The following TAOK1 variants were observed in gnomAD, a reference collection of about 807,000 sequenced individuals.
TAOK1 encodes TAO kinase 1, also known as serine/threonine-protein kinase TAO1.
A neutral mutation model predicts 138.3 loss-of-function variants in TAOK1; 21 were observed. That is an observed-to-expected ratio of 0.15 (90% confidence interval 0.11 to 0.22). The LOEUF is 0.22. Ranked by LOEUF, TAOK1 falls within the 10% of genes least tolerant of loss-of-function variation. The pLI, the probability that TAOK1 is intolerant of heterozygous loss-of-function variation, is 1.00. For missense variants in TAOK1, 651 were observed against 1,227.7 expected, an observed-to-expected ratio of 0.53 and a Z score of 7.02; for synonymous variants, 361 against 398.4, an observed-to-expected ratio of 0.91 and a Z score of 1.12.
intron 1 of TAOK1, among the ~76,000 whole-genome samples, chr17:29,448,527 T>A (rs1318297638): frequency 6.6e-6 from 1 of 152,224 alleles, no homozygotes; most frequent in Non-Finnish European, 1.5e-5. Context: ...TGTCTTTTTG[T>A]TTTAGTATTT....
At chr17:29,455,946 T>C (rs1363267910) in intron 2 of TAOK1, among the ~76,000 whole-genome samples, 1 of 150,356 alleles carries the variant, frequency 6.7e-6, no homozygotes, top group Admixed American at 6.6e-5. Context: ...TGTCTTTATC[T>C]AGTGTTGGCA....
At chr17:29,529,948 G>GC (rs1367735970) in intron 17 of TAOK1, among the ~76,000 whole-genome samples, 1 of 151,450 alleles carries the variant, frequency 6.6e-6, no homozygotes, top group Non-Finnish European at 1.5e-5. Flanking sequence ...GATTGCTTGA[G>GC]CATAGGAGGT....
intron 3 of TAOK1, among the ~76,000 whole-genome samples, chr17:29,469,218 C>A (rs2030754954): frequency 6.6e-6 from 1 of 150,692 alleles, no homozygotes; most frequent in African/African-American, 2.4e-5. Context: ...TCCCCCCTCC[C>A]CCGCCCCATC....
intron 1 of TAOK1, among the ~76,000 whole-genome samples, chr17:29,421,803 A>C (rs1218804206): frequency 2.6e-5 from 4 of 152,080 alleles, no homozygotes; most frequent in Admixed American, 1.3e-4. Flanking sequence ...GGGTTTTGGC[A>C]TGTTGCCCAG....
At chr17:29,501,408 A>G (rs1436012996) in intron 12 of TAOK1, among the ~76,000 whole-genome samples, 1 of 146,186 alleles carries the variant, frequency 6.8e-6, no homozygotes. Flanking sequence ...GGGCAACAAA[A>G]TGGAGACCCT....
At chr17:29,470,936 A>G (rs1458840354) in intron 3 of TAOK1, among the ~76,000 whole-genome samples, 5 of 152,172 alleles carry the variant, frequency 3.3e-5, no homozygotes, top group African/African-American at 9.7e-5. Flanking sequence ...CAGCCTGGCC[A>G]ATGTGGTGGA....
intron 17 of TAOK1, among the ~76,000 whole-genome samples, chr17:29,527,173 A>G (rs531297880): frequency 6.6e-6 from 1 of 152,210 alleles, no homozygotes; most frequent in East Asian, 1.9e-4. Context: ...TGGTGGTCCC[A>G]GCTACTCAGG....
intron 1 of TAOK1, among the ~76,000 whole-genome samples, chr17:29,421,555 G>T (rs974193686): frequency 6.6e-6 from 1 of 152,116 alleles, no homozygotes; most frequent in African/African-American, 2.4e-5. Flanking sequence ...GTTTTCTCTA[G>T]GCAAGGCTTT....
chr17:29,499,137 A>G (rs891685472), intron 12 of TAOK1, among the ~76,000 whole-genome samples: 1 of 152,156 alleles, frequency 6.6e-6, no homozygotes, highest in African/African-American at 2.4e-5. Context: ...AAGGATACAC[A>G]TAAAATGATA....
At chr17:29,394,482 T>C (rs1369833353) in intron 1 of TAOK1, among the ~76,000 whole-genome samples, 1 of 152,162 alleles carries the variant, frequency 6.6e-6, no homozygotes, top group African/African-American at 2.4e-5. Context: ...CAGTTCTTAA[T>C]AGACATGAAT....
At chr17:29,475,525 G>A in intron 3 of TAOK1, 145 bp from the exon 4 acceptor site, 1 of 592,254 alleles carries the variant, frequency 1.7e-6, no homozygotes, top group Non-Finnish European at 2.9e-6. Context: ...GGGTGAAAGA[G>A]CAAGACCCTC....
Position 29,478,340 on chromosome 17 carries a change from A to G in TAOK1, c.442A>G (p.Ile148Val). 1.3e-6 allele frequency: 2 copies of G among 1,577,536 alleles called. No homozygotes were observed. The highest frequency in any genetic ancestry group is 1.2e-5 in the South Asian group (1 of 82,158). ...AGCCTACTTACATTCTCATACTATG[A>G]TTCATAGGTAAGTGCTTTGGAAATT... ...GLAYLHSHTM[I>V]HRDIKAGNIL... The change falls in exon 6 of 20, where the codon ATT becomes GTT. Residue 148 changes from isoleucine (I) to valine (V), a missense_variant. Ile to Val is a conservative substitution (Grantham distance 29, BLOSUM62 3). This residue lies in a region of TAOK1 where 116 missense variants were observed against 213.9 expected (regional missense o/e 0.54). Coordinates refer to ENST00000261716, the MANE Select transcript of TAOK1 (RefSeq NM_020791.4).
At chr17:29,507,831 C>T in intron 13 of TAOK1, 65 bp from the exon 14 acceptor site, 4 of 1,456,766 alleles carry the variant, frequency 2.7e-6, no homozygotes, top group Non-Finnish European at 3.8e-6. Flanking sequence ...ATAGAATTGT[C>T]TAAAATGCTT....
chr17:29,464,654 T>C (rs944598307), intron 2 of TAOK1, among the ~76,000 whole-genome samples: 8 of 151,970 alleles, frequency 5.3e-5, no homozygotes, highest in African/African-American at 1.9e-4. Flanking sequence ...GTAGAGAACA[T>C]TTTGGAAAAA....
At chr17:29,487,434 AATGTAT>A (rs1214860796) in intron 8 of TAOK1, among the ~76,000 whole-genome samples, 1 of 152,110 alleles carries the variant, frequency 6.6e-6, no homozygotes, top group Non-Finnish European at 1.5e-5. Flanking sequence ...TAGGTGTATA[AATGTAT>A]TATGTACATG....
chr17:29,400,159 C>G (rs548204841), intron 1 of TAOK1, among the ~76,000 whole-genome samples: 2 of 151,872 alleles, frequency 1.3e-5, no homozygotes, highest in African/African-American at 4.8e-5. Context: ...TTTGGGAGGC[C>G]GAGGTGGGTG....
chr17:29,474,355 G>T (rs915490850), intron 3 of TAOK1, among the ~76,000 whole-genome samples: 1 of 151,992 alleles, frequency 6.6e-6, no homozygotes, highest in Admixed American at 6.6e-5. Flanking sequence ...TTGGCTATTT[G>T]GTGCAAAAGG....
intron 1 of TAOK1, among the ~76,000 whole-genome samples, chr17:29,436,064 A>T (rs1906021102): frequency 6.6e-6 from 1 of 152,246 alleles, no homozygotes; most frequent in Non-Finnish European, 1.5e-5. Context: ...CGGGAGGCAG[A>T]GGTTGCATTG....
Position 29,451,500 on chromosome 17 carries a change from C to T in TAOK1, c.-49C>T, listed in dbSNP as rs903162321. On this transcript the variant is annotated 5_prime_UTR_variant, in exon 2 of 20. Transcript: ENST00000261716. ...TCATTCATACAGATGAACCAAGGAT[C>T]GGGATAGCAGTATAAAATTAGAATC... 1.4e-5 allele frequency: 21 copies of T among 1,534,560 alleles called. No individual in the cohort carries two copies. In the East Asian group the frequency reaches 3.6e-4, roughly 27 times the overall value.
Sources: allele counts gnomAD v4.1 joint callset (sites outside exome capture counted in the v4.1 genomes callset), GRCh38; gene constraint gnomAD v4.1.1; regional missense constraint gnomAD v4.1.1; transcripts MANE v1.5; gene names NCBI Gene and HGNC (gene_info 2026-07-23, HGNC 2026-07-21).